Variants in ENTREP1 observed in about 807,000 individuals in gnomAD.
ENTREP1 encodes Friedreich ataxia region gene X123.
At chr9:69,329,971 TTAAC>T in the ENTREP1 span, among the ~76,000 whole-genome samples, 2 of 111,750 alleles carry the variant, frequency 1.8e-5, 1 homozygote, top group Non-Finnish European at 3.7e-5. Flanking sequence ...GGAGTTAATG[TTAAC>T]TAGATTCCAC....
At chr9:69,336,039 TA>T in the ENTREP1 span, among the ~76,000 whole-genome samples, 1 of 152,194 alleles carries the variant, frequency 6.6e-6, no homozygotes, top group Non-Finnish European at 1.5e-5. Context: ...GGCCTAGAAG[TA>T]AAAGTCCAAA....
the ENTREP1 span, among the ~76,000 whole-genome samples, chr9:69,347,898 A>G: frequency 6.6e-6 from 1 of 152,198 alleles, no homozygotes; most frequent in South Asian, 2.1e-4. Flanking sequence ...CATGTTATTC[A>G]AAGGAAGACT....
At chr9:69,365,031 G>T in the ENTREP1 span, among the ~76,000 whole-genome samples, 2 of 152,148 alleles carry the variant, frequency 1.3e-5, no homozygotes, top group East Asian at 3.8e-4. Flanking sequence ...CACATTCATT[G>T]TATGATCTCA....
At chr9:69,336,258 A>G in the ENTREP1 span, 13 of 1,587,834 alleles carry the variant, frequency 8.2e-6, no homozygotes, top group African/African-American at 2.7e-5. Context: ...GAAAAGGCCT[A>G]TGATACTCCT....
At chr9:69,391,438 C>T in the ENTREP1 span, among the ~76,000 whole-genome samples, 1 of 152,030 alleles carries the variant, frequency 6.6e-6, no homozygotes, top group Non-Finnish European at 1.5e-5. Context: ...TTACAAAGAA[C>T]CTCTGGAATT....
chr9:69,391,713 C>A, the ENTREP1 span: 1 of 1,613,640 alleles, frequency 6.2e-7, no homozygotes, highest in Admixed American at 1.7e-5. Flanking sequence ...TTCACACCAG[C>A]GGGGAGGCCC....
At chr9:69,345,751 C>T in the ENTREP1 span, among the ~76,000 whole-genome samples, 4 of 151,600 alleles carry the variant, frequency 2.6e-5, no homozygotes, top group East Asian at 5.9e-4. Context: ...TACAGGCATG[C>T]GCCACCATAC....
chr9:69,358,853 A>T, the ENTREP1 span, among the ~76,000 whole-genome samples: 23 of 151,076 alleles, frequency 1.5e-4, no homozygotes, highest in South Asian at 3.8e-3. Context: ...TTAAGGAAAA[A>T]TTTTTTAAAG....
At chr9:69,380,911 C>T in the ENTREP1 span, 3 of 152,490 alleles carry the variant, frequency 2.0e-5, no homozygotes, top group South Asian at 2.1e-4. Context: ...CAAGTGGAGC[C>T]GGGCGATGCT....
chr9:69,341,903 G>C, the ENTREP1 span, among the ~76,000 whole-genome samples: 1 of 151,866 alleles, frequency 6.6e-6, no homozygotes, highest in Non-Finnish European at 1.5e-5. Flanking sequence ...GAAATCTCTT[G>C]ACCCAAAAGT....
the ENTREP1 span, among the ~76,000 whole-genome samples, chr9:69,366,939 C>A: frequency 2.0e-5 from 3 of 151,942 alleles, no homozygotes; most frequent in African/African-American, 7.2e-5. Flanking sequence ...TATTTTGAGA[C>A]AGGTTGTTGG....
chr9:69,371,228 G>A, the ENTREP1 span: 2 of 443,992 alleles, frequency 4.5e-6, no homozygotes, highest in Non-Finnish European at 8.3e-6. Context: ...TGTAATGTGT[G>A]GGTGGAAGAT....
the ENTREP1 span, among the ~76,000 whole-genome samples, chr9:69,359,799 GA>G: frequency 6.6e-6 from 1 of 152,040 alleles, no homozygotes; most frequent in African/African-American, 2.4e-5. Context: ...AAAGGAGAAG[GA>G]AAAAAGTACT....
At chr9:69,352,272 C>A in the ENTREP1 span, among the ~76,000 whole-genome samples, 3 of 152,100 alleles carry the variant, frequency 2.0e-5, no homozygotes, top group African/African-American at 7.2e-5. Context: ...GCTTGGGCCA[C>A]CACACCCGGC....
chr9:69,374,634 C>A, the ENTREP1 span, among the ~76,000 whole-genome samples: 1 of 152,150 alleles, frequency 6.6e-6, no homozygotes, highest in East Asian at 1.9e-4. Flanking sequence ...CTTAAGATGG[C>A]ATCATCATTT....
the ENTREP1 span, among the ~76,000 whole-genome samples, chr9:69,342,624 A>T: frequency 4.6e-5 from 7 of 152,236 alleles, no homozygotes; most frequent in African/African-American, 1.7e-4. Flanking sequence ...ATGAGTGGCC[A>T]AGGAAATGAT....
At chr9:69,388,035 G>A in the ENTREP1 span, 1 of 1,581,094 alleles carries the variant, frequency 6.3e-7, no homozygotes, top group East Asian at 2.3e-5. Context: ...AGCAGGATGT[G>A]CATGGCTATC....
the ENTREP1 span, among the ~76,000 whole-genome samples, chr9:69,334,820 A>G: frequency 3.8e-5 from 5 of 133,136 alleles, no homozygotes; most frequent in East Asian, 1.1e-3. Context: ...TCTATCGCCC[A>G]GGCTGGAGTG....
At chr9:69,367,172 T>C in the ENTREP1 span, among the ~76,000 whole-genome samples, 2 of 149,368 alleles carry the variant, frequency 1.3e-5, no homozygotes, top group Non-Finnish European at 3.0e-5. Flanking sequence ...GCTTGAGTGG[T>C]CCTCCCACCT....
Sources: gnomAD v4.1 joint callset for allele counts (sites outside exome capture counted in the v4.1 genomes callset) on GRCh38, gnomAD v4.1.1 for gene constraint, MANE v1.5 for transcripts, NCBI Gene and HGNC (gene_info 2026-07-23, HGNC 2026-07-21) for gene names.